The following MAP4 variants were observed in gnomAD, a reference collection of about 807,000 sequenced individuals.
MAP4 encodes the protein microtubule associated protein 4.
Under a neutral mutation model 170.2 loss-of-function variants are expected in MAP4, and 76 were observed. The observed-to-expected ratio is 0.45, with a 90% confidence interval of 0.37 to 0.54. The LOEUF is 0.54. Ranked by LOEUF, MAP4 falls within the 20% of genes least tolerant of loss-of-function variation. The pLI, the probability that MAP4 is intolerant of heterozygous loss-of-function variation, is 0.00. For missense variants in MAP4, 2,506 were observed against 2,748.0 expected, an observed-to-expected ratio of 0.91 and a Z score of 1.97; for synonymous variants, 909 against 994.5, an observed-to-expected ratio of 0.91 and a Z score of 1.62.
chr3:48,014,121 T>C (rs1279385699), intron 1 of MAP4, among the ~76,000 whole-genome samples: 13 of 152,232 alleles, frequency 8.5e-5, no homozygotes, highest in Admixed American at 8.5e-4. Context: ...CCACAGTACT[T>C]TGTTGTATGC....
At chr3:47,868,702 G>A (rs780618383) in intron 16 of MAP4, among the ~76,000 whole-genome samples, 10 of 152,274 alleles carry the variant, frequency 6.6e-5, no homozygotes, top group Non-Finnish European at 1.2e-4. Context: ...TTTCCATTGG[G>A]AATGAGCATC....
chr3:47,867,524 G>A (rs1354089099), intron 16 of MAP4, among the ~76,000 whole-genome samples, 186 bp from the exon 17 acceptor site: 1 of 147,996 alleles, frequency 6.8e-6, no homozygotes, highest in East Asian at 1.9e-4. Flanking sequence ...GAGCAAGAAG[G>A]GGAGTGAAAA....
Position 47,928,298 on chromosome 3 carries a change from A to G in MAP4, c.345T>C (p.Asn115=), listed in dbSNP as rs1186599897. The change falls in exon 4 of 21, where the codon AAT becomes AAC. Residue 115 remains asparagine, a synonymous_variant. Coordinates refer to ENST00000683076, the MANE Select transcript of MAP4 (RefSeq NM_001385682.1). The part of the protein sequence containing the change: ...EEKMAYQEYP[N]SQNWPEDTNF... ...TGGTATCTTCTGGCCAGTTCTGGCT[A>G]TTTGGGTATTCCTGGTAGGCCATTT... 3 of 1,614,026 alleles carry G rather than the reference A, an allele frequency of 1.9e-6. No individual in the cohort carries two copies. The highest frequency in any genetic ancestry group is 2.5e-6 in the Non-Finnish European group (3 of 1,180,002).
chr3:47,998,181 AATT>A (rs1219638608), intron 2 of MAP4, among the ~76,000 whole-genome samples: 1 of 152,202 alleles, frequency 6.6e-6, no homozygotes, highest in Non-Finnish European at 1.5e-5. Context: ...ATACTCAGCC[AATT>A]ATTAGCACAT....
rs1004912585 is a variant in MAP4, at chr3:47,910,944, A to G, written c.3477T>C (p.Pro1159=). The change falls in exon 9 of 21, where the codon CCT becomes CCC. Residue 1159 remains proline (P), a synonymous_variant. Coordinates refer to ENST00000683076, the MANE Select transcript of MAP4 (RefSeq NM_001385682.1). ...GAGTCATGCCTGATCCACTTTCCAA[A>G]GGAATCAATGCCTGCATGGTGCCTG... is the stretch of plus-strand genomic sequence containing the variant. ...KVAGTMQALI[P]LESGSGMTQT... 3.3e-6 allele frequency: 5 copies of G among 1,535,982 alleles called. No homozygotes were observed. In the African/African-American group the frequency reaches 6.8e-5, roughly 21 times the overall value.
At chr3:48,050,208 C>T (rs1009859969) in intron 1 of MAP4, among the ~76,000 whole-genome samples, 6 of 148,904 alleles carry the variant, frequency 4.0e-5, no homozygotes, top group Non-Finnish European at 7.4e-5. Context: ...TGAAGTGAGC[C>T]GAGATGACAC....
intron 1 of MAP4, among the ~76,000 whole-genome samples, chr3:48,058,664 T>C (rs1029521558): frequency 1.3e-5 from 2 of 152,198 alleles, no homozygotes; most frequent in African/African-American, 4.8e-5. Context: ...AAGAAAAAAA[T>C]GTATACAGGA....
Position 47,916,926 on chromosome 3 carries a change from C to A in MAP4, c.901G>T (p.Ala301Ser). 1.9e-6 allele frequency: 3 copies of A among 1,614,194 alleles called. No individual in the cohort carries two copies. Among genetic ancestry groups the A allele is most frequent in the Non-Finnish European group, 2.5e-6 (3 of 1,180,044 alleles). Residue 301 changes from alanine to serine, a missense_variant, in exon 7 of 21, where the codon GCC becomes TCC. Transcript: ENST00000683076. The part of the protein sequence containing the change: ...DMQPSMESDM[A>S]LVKDMELPTE... The stretch of plus-strand genomic sequence containing the variant: ...GGTAGTTCCATGTCCTTGACTAGGG[C>A]CATATCTGATTCCATGGATGGCTGC...
At chr3:47,876,625 A>T (rs2095483428) in intron 11 of MAP4, among the ~76,000 whole-genome samples, 1 of 152,124 alleles carries the variant, frequency 6.6e-6, no homozygotes, top group Non-Finnish European at 1.5e-5. Context: ...AAGACCCTGG[A>T]CAACATGCTG....
At chr3:48,055,514 T>C (rs1201865412) in intron 1 of MAP4, among the ~76,000 whole-genome samples, 1 of 146,516 alleles carries the variant, frequency 6.8e-6, no homozygotes, top group Non-Finnish European at 1.5e-5. Flanking sequence ...TGCTCAATGG[T>C]GCCCAGGCTG....
intron 2 of MAP4, among the ~76,000 whole-genome samples, chr3:47,985,509 G>A (rs1405447433): frequency 1.3e-5 from 2 of 152,142 alleles, no homozygotes; most frequent in African/African-American, 4.8e-5. Context: ...ACTAACAAGT[G>A]ATGAAAGTTA....
At chr3:47,948,852 A>T (rs1578154913) in intron 3 of MAP4, among the ~76,000 whole-genome samples, 1 of 151,972 alleles carries the variant, frequency 6.6e-6, no homozygotes, top group Admixed American at 6.6e-5. Context: ...TGAACTCCTG[A>T]CCTCATTATC....
intron 1 of MAP4, among the ~76,000 whole-genome samples, chr3:48,082,950 A>AC (rs1293265000): frequency 6.6e-6 from 1 of 152,132 alleles, no homozygotes. Context: ...GCACCAGAAA[A>AC]CCCAAAATGA....
At chr3:47,988,940 A>G (rs2100090577) in intron 2 of MAP4, among the ~76,000 whole-genome samples, 2 of 152,106 alleles carry the variant, frequency 1.3e-5, no homozygotes, top group Non-Finnish European at 2.9e-5. Context: ...CCCCCTGAGT[A>G]GCTGGGATTA....
At chr3:47,896,246 A>G (rs1297667429) in intron 10 of MAP4, among the ~76,000 whole-genome samples, 1 of 152,150 alleles carries the variant, frequency 6.6e-6, no homozygotes, top group Non-Finnish European at 1.5e-5. Flanking sequence ...AACAACCAAG[A>G]AGGCCGGGCG....
chr3:47,975,482 A>G (rs1411387437), intron 3 of MAP4: 6 of 1,544,738 alleles, frequency 3.9e-6, no homozygotes, highest in Non-Finnish European at 5.3e-6. Flanking sequence ...GGAGAAAAAT[A>G]GAGAGGGAGG....
At chr3:47,921,342 A>C (rs1472059253) in intron 5 of MAP4, among the ~76,000 whole-genome samples, 1 of 152,186 alleles carries the variant, frequency 6.6e-6, no homozygotes, top group African/African-American at 2.4e-5. Context: ...TGCCACCCCA[A>C]AATACGCTAC....
chr3:48,079,874 C>T (rs780074866), intron 1 of MAP4, among the ~76,000 whole-genome samples: 2 of 151,208 alleles, frequency 1.3e-5, no homozygotes, highest in African/African-American at 2.4e-5. Flanking sequence ...GGCGTGAACC[C>T]GGGAGGCGGA....
intron 1 of MAP4, among the ~76,000 whole-genome samples, chr3:48,006,208 TG>T (rs1013410100): frequency 6.7e-6 from 1 of 148,770 alleles, no homozygotes; most frequent in Non-Finnish European, 1.5e-5. Context: ...CAGAACCCCT[TG>T]AATGAAGGGG....
Sources: gnomAD v4.1 joint callset for allele counts (sites outside exome capture counted in the v4.1 genomes callset) on GRCh38, gnomAD v4.1.1 for gene constraint, MANE v1.5 for transcripts, NCBI Gene and HGNC (gene_info 2026-07-23, HGNC 2026-07-21) for gene names.